NAV3: variants seen among roughly 807,000 people sequenced by gnomAD.
NAV3 encodes pore membrane and/or filament interacting like protein 1.
In NAV3, 87 loss-of-function variants were observed where a neutral mutation model predicts 244.7. The ratio of observed to expected loss-of-function variants is 0.36; its 90% confidence interval spans 0.30 to 0.42. NAV3 has a LOEUF of 0.42. Among genes scored for constraint, NAV3 ranks in the 20% least tolerant of loss-of-function variants. The pLI is 1.00. For synonymous variants in NAV3, 1,126 were observed against 1,042.2 expected, an observed-to-expected ratio of 1.08 and a Z score of -1.55; for missense variants, 2,663 against 2,893.3, an observed-to-expected ratio of 0.92 and a Z score of 1.83.
intron 1 of NAV3, among the ~76,000 whole-genome samples, chr12:77,930,575 C>T (rs1163971278): frequency 2.0e-5 from 3 of 151,984 alleles, no homozygotes; most frequent in Admixed American, 6.6e-5. Flanking sequence ...TCTCTTTGTT[C>T]CAATGTAAAA....
intron 2 of NAV3, among the ~76,000 whole-genome samples, chr12:77,710,827 G>C (rs1876073852): frequency 6.6e-6 from 1 of 151,928 alleles, no homozygotes; most frequent in African/African-American, 2.4e-5. Flanking sequence ...TCTAGCTCTT[G>C]GCAATAGATT....
intron 2 of NAV3, among the ~76,000 whole-genome samples, chr12:77,806,319 C>A (rs1016731214): frequency 2.0e-5 from 3 of 152,180 alleles, no homozygotes; most frequent in Non-Finnish European, 4.4e-5. Flanking sequence ...ATAAATTCCC[C>A]TCTAAACACT....
rs563609581 is a variant in NAV3 at position 78,200,626 on chromosome 12, A to T, written c.6834+35A>T. 2,787 of 899,514 alleles carry T rather than the reference A, an allele frequency of 3.1e-3. 8 individuals are homozygous for T. The highest frequency in any genetic ancestry group is 9.6e-3 in the African/African-American group (501 of 52,104). The allele number at this position is 899,514 out of a possible 1,614,324, so 55.7% of individuals were successfully genotyped here. A position where few individuals can be genotyped will look rare whatever the true frequency, so the allele number is the denominator to read the frequency against. On this transcript the variant is annotated intron_variant, in intron 38 of 39. Coordinates refer to ENST00000397909, the MANE Select transcript of NAV3 (RefSeq NM_001024383.2). ...TCAATTTTCATTGCTATTTTTTTTT[A>T]AAAAAAAAAAGCAAAAAAAATTACT...
rs957521989 is a variant in NAV3, at chr12:78,045,310, T to A, written c.2024-4683T>A. 3.3e-5 allele frequency among the ~76,000 whole-genome samples: 5 copies of A among 152,154 alleles called. No individual in the cohort carries two copies. In the East Asian group the frequency reaches 7.8e-4, roughly 24 times the overall value. On this transcript the variant is annotated intron_variant, in intron 9 of 39. Coordinates refer to ENST00000397909, the MANE Select transcript of NAV3 (RefSeq NM_001024383.2). ...GATCGTGGTGGATAAGCTTTTTTTT[T>A]GTTGAGGCAGAGTCTTGCTCCATCA...
chr12:77,613,600 A>G (rs917893942), intron 2 of NAV3, among the ~76,000 whole-genome samples: 4 of 152,276 alleles, frequency 2.6e-5, no homozygotes, highest in Non-Finnish European at 2.9e-5. Context: ...TTGGTATTCA[A>G]GGCAGCCAGT....
intron 2 of NAV3, among the ~76,000 whole-genome samples, chr12:77,701,965 T>C (rs568388759): frequency 6.6e-6 from 1 of 152,168 alleles, no homozygotes; most frequent in East Asian, 1.9e-4. Flanking sequence ...TTGGGCATAG[T>C]GTTCTAAAGC....
intron 8 of NAV3, among the ~76,000 whole-genome samples, chr12:78,021,341 T>A (rs1160352823): frequency 1.3e-5 from 2 of 152,102 alleles, no homozygotes; most frequent in Admixed American, 6.6e-5. Context: ...TATTTTAAAA[T>A]ATATTTTATA....
chr12:78,061,550 C>A (rs1884328256), intron 12 of NAV3, among the ~76,000 whole-genome samples: 1 of 151,942 alleles, frequency 6.6e-6, no homozygotes, highest in South Asian at 2.1e-4. Context: ...TATAAATCCT[C>A]CTATTAGCAG....
chr12:78,010,888 C>G (rs999685777), intron 8 of NAV3: 1 of 151,952 alleles, frequency 6.6e-6, no homozygotes, highest in East Asian at 1.9e-4. Flanking sequence ...TCATAGTACT[C>G]TTTGTCACAC....
rs755890697 is a variant in NAV3 at position 78,197,298 on chromosome 12, A to G, written c.6343A>G (p.Asn2115Asp). Residue 2115 changes from asparagine to aspartate, a missense_variant, in exon 35 of 40, where the codon AAT becomes GAT. By Grantham distance (23) the Asn-to-Asp change is conservative. This residue lies in a region of NAV3 where 543 missense variants were observed against 672.4 expected (regional missense o/e 0.81). Coordinates refer to ENST00000397909, the MANE Select transcript of NAV3 (RefSeq NM_001024383.2). ...GGCTGAACAGTGCAGTGCTGATAAT[A>G]ATGGAGTGGAGCTCCCAGTTGTAAT... is the stretch of plus-strand genomic sequence containing the variant. ...NLAEQCSADN[N>D]GVELPVVIIL... is the part of the protein sequence containing the mutation. 10 of 1,609,032 alleles carry G rather than the reference A, an allele frequency of 6.2e-6. 2 individuals are homozygous for G. The South Asian group carries it at 9.9e-5, about 16-fold the overall frequency.
At chr12:78,144,802 G>A (rs2139153736) in intron 20 of NAV3, among the ~76,000 whole-genome samples, 1 of 150,448 alleles carries the variant, frequency 6.6e-6, no homozygotes, top group Admixed American at 6.7e-5. Context: ...CCTAGAAGCA[G>A]AATTGGGCAG....
At chr12:78,174,578 T>C (rs1276486131) in intron 24 of NAV3, among the ~76,000 whole-genome samples, 2 of 151,970 alleles carry the variant, frequency 1.3e-5, no homozygotes. Flanking sequence ...TAAAACCTAG[T>C]TTGATTATTA....
intron 2 of NAV3, among the ~76,000 whole-genome samples, chr12:77,577,279 A>G (rs774008700): frequency 6.6e-6 from 1 of 152,172 alleles, no homozygotes; most frequent in South Asian, 2.1e-4. Flanking sequence ...GATGAATTAG[A>G]TAAAGTGACT....
intron 3 of NAV3, among the ~76,000 whole-genome samples, chr12:77,945,450 C>T (rs1005639094): frequency 3.3e-5 from 5 of 152,088 alleles, no homozygotes; most frequent in Non-Finnish European, 5.9e-5. Flanking sequence ...GCAGCTACCA[C>T]TGAAAGGATT....
chr12:77,665,419 A>C (rs146723547), intron 2 of NAV3, among the ~76,000 whole-genome samples: 2 of 152,218 alleles, frequency 1.3e-5, no homozygotes, highest in East Asian at 3.9e-4. Flanking sequence ...GTTTTATTTC[A>C]TGTTAATTTT....
intron 16 of NAV3, among the ~76,000 whole-genome samples, chr12:78,123,485 C>G (rs1352461747): frequency 6.6e-6 from 1 of 152,034 alleles, no homozygotes; most frequent in Non-Finnish European, 1.5e-5. Context: ...GCCAGTTTCC[C>G]TTTAATGTAG....
At chr12:78,053,173 A>C (rs1412017140) in intron 11 of NAV3, among the ~76,000 whole-genome samples, 1 of 151,386 alleles carries the variant, frequency 6.6e-6, no homozygotes, top group Non-Finnish European at 1.5e-5. Flanking sequence ...AGATTGCACC[A>C]CTGCACCACT....
At chr12:78,017,453 A>G (rs772774056) in intron 8 of NAV3, among the ~76,000 whole-genome samples, 4 of 152,142 alleles carry the variant, frequency 2.6e-5, no homozygotes, top group Admixed American at 6.6e-5. Context: ...TAAATAAAAG[A>G]AATCCAGATA....
chr12:77,952,068 TA>T (rs35164374), intron 3 of NAV3, among the ~76,000 whole-genome samples: 9,402 of 139,988 alleles, frequency 0.067, 312 homozygotes, highest in African/African-American at 0.099. Context: ...AAAGTATAAT[TA>T]AAAAAAAAAA....
Sources: gnomAD v4.1 joint callset for allele counts (sites outside exome capture counted in the v4.1 genomes callset) on GRCh38, gnomAD v4.1.1 for gene constraint, gnomAD v4.1.1 regional missense constraint, MANE v1.5 for transcripts, NCBI Gene and HGNC (gene_info 2026-07-23, HGNC 2026-07-21) for gene names.